CDH20: variants seen among roughly 807,000 people sequenced by gnomAD.
The protein encoded by CDH20 is cadherin-20.
A neutral mutation model predicts 74.2 loss-of-function variants in CDH20; 29 were observed. The ratio of observed to expected loss-of-function variants is 0.39; its 90% CI spans 0.29 to 0.53. The LOEUF is 0.53. Among genes scored for constraint, CDH20 ranks in the 20% least tolerant of loss-of-function variants. The pLI, the probability that CDH20 is intolerant of heterozygous loss-of-function variation, is 0.69. For synonymous variants in CDH20, 469 were observed against 405.4 expected, an observed-to-expected ratio of 1.16 and a Z score of -1.88; for missense variants, 988 against 1,048.3, an observed-to-expected ratio of 0.94 and a Z score of 0.79.
At position 61,447,313 on chromosome 18, in the gene CDH20, T is replaced by G. The variant is rs570154820; in HGVS notation, c.-152-43089T>G. On this transcript the variant is annotated intron_variant, in intron 1 of 11. Coordinates refer to ENST00000262717, the MANE Select transcript of CDH20 (RefSeq NM_031891.4). ...GCTCAGGAGAGAAATTTAAACTGAA[T>G]TCACAATACTGGAGGCATTAGACAG... Among the ~76,000 whole-genome samples the G allele has an allele frequency of 7.9e-5, 12 of 152,300 alleles. 1 individual carries two copies. In the South Asian group the frequency reaches 2.5e-3, roughly 32 times the overall value.
In CDH20 at chr18:61,340,226, C is replaced by CTTTTTTTTTTTTTTTT. The variant is rs59628153; in HGVS notation, c.-153+6409_-153+6410insTTTTTTTTTTTTTTTT. 4.9e-4 allele frequency among the ~76,000 whole-genome samples: 59 copies of CTTTTTTTTTTTTTTTT among 119,638 alleles called. 7 individuals are homozygous for CTTTTTTTTTTTTTTTT. Among genetic ancestry groups the CTTTTTTTTTTTTTTTT allele is most frequent in the Non-Finnish European group, 5.6e-4 (33 of 58,856 alleles). The allele number at this position is 119,638 out of a possible 152,430, so 78.5% of individuals were successfully genotyped here. On this transcript the variant is annotated intron_variant, in intron 1 of 11. Coordinates refer to ENST00000262717, the MANE Select transcript of CDH20 (RefSeq NM_031891.4). ...TGTCTTTAGCTAAATCTTCAGCCTT[C>CTTTTTTTTTTTTTTTT]TTTTTTTTTTAAAGGTCTGACCTTA... is the stretch of plus-strand genomic sequence containing the variant.
chr18:61,385,292 A>G (rs937222660), intron 1 of CDH20, among the ~76,000 whole-genome samples: 2 of 152,188 alleles, frequency 1.3e-5, no homozygotes, highest in Admixed American at 1.3e-4. Flanking sequence ...TGTTAACGCA[A>G]TAAGACAGAA....
At chr18:61,514,540 T>C (rs1911913173) in intron 6 of CDH20, among the ~76,000 whole-genome samples, 1 of 152,110 alleles carries the variant, frequency 6.6e-6, no homozygotes, top group East Asian at 1.9e-4. Flanking sequence ...CCGTTGCTGG[T>C]GAGGAACTGC....
chr18:61,473,304 T>C (rs1023546915), intron 1 of CDH20, among the ~76,000 whole-genome samples: 2 of 152,248 alleles, frequency 1.3e-5, no homozygotes, highest in Admixed American at 1.3e-4. Context: ...GTATTTCCCA[T>C]TAATAAGGCT....
chr18:61,372,654 A>G (rs1016020071), intron 1 of CDH20, among the ~76,000 whole-genome samples: 1 of 152,146 alleles, frequency 6.6e-6, no homozygotes, highest in African/African-American at 2.4e-5. Flanking sequence ...GACATTAAAA[A>G]TTCTATAAAA....
intron 1 of CDH20, among the ~76,000 whole-genome samples, chr18:61,370,942 A>G (rs1239180488): frequency 6.6e-6 from 1 of 152,114 alleles, no homozygotes; most frequent in African/African-American, 2.4e-5. Flanking sequence ...CCAACTATAA[A>G]AAAGTTAGAC....
intron 1 of CDH20, among the ~76,000 whole-genome samples, chr18:61,432,255 A>AAC (rs1355311532): frequency 0.023 from 3,406 of 151,094 alleles, 144 homozygotes; most frequent in African/African-American, 0.078. Flanking sequence ...AAAAAAAAAA[A>AAC]AAAAAAAAAC....
At chr18:61,341,951 T>A (rs1235884559) in intron 1 of CDH20, among the ~76,000 whole-genome samples, 9 of 152,174 alleles carry the variant, frequency 5.9e-5, no homozygotes. Context: ...TCTAAAAATA[T>A]GAGGCATACT....
chr18:61,466,189 T>C (rs898863380), intron 1 of CDH20, among the ~76,000 whole-genome samples: 1 of 151,824 alleles, frequency 6.6e-6, no homozygotes, highest in African/African-American at 2.4e-5. Flanking sequence ...GTAACATTAC[T>C]TTTTTTGAAA....
chr18:61,548,421 A>T (rs1215204629), intron 10 of CDH20, among the ~76,000 whole-genome samples: 3 of 152,204 alleles, frequency 2.0e-5, no homozygotes, highest in Admixed American at 2.0e-4. Flanking sequence ...ATTTCTGAAA[A>T]CGAGTAAGAT....
intron 1 of CDH20, among the ~76,000 whole-genome samples, chr18:61,450,399 A>C (rs1217016879): frequency 2.0e-5 from 3 of 151,890 alleles, no homozygotes; most frequent in African/African-American, 4.8e-5. Flanking sequence ...AAAAAAAAAA[A>C]AAAAAACTTT....
intron 1 of CDH20, among the ~76,000 whole-genome samples, chr18:61,439,011 C>A (rs1476373365): frequency 6.6e-6 from 1 of 152,070 alleles, no homozygotes; most frequent in Non-Finnish European, 1.5e-5. Context: ...CACAGAAAAT[C>A]AAATACTGCA....
chr18:61,447,625 G>C (rs1909245447), intron 1 of CDH20, among the ~76,000 whole-genome samples: 1 of 152,204 alleles, frequency 6.6e-6, no homozygotes, highest in African/African-American at 2.4e-5. Flanking sequence ...GCTTAAGGAT[G>C]CAGCAATGAA....
At chr18:61,469,364 T>TACACACACACACAC (rs35516738) in intron 1 of CDH20, among the ~76,000 whole-genome samples, 2 of 142,352 alleles carry the variant, frequency 1.4e-5, no homozygotes, top group African/African-American at 5.2e-5. Context: ...TGAGAATGAA[T>TACACACACACACAC]ACACACACAC....
chr18:61,345,297 G>A (rs1362479240), intron 1 of CDH20, among the ~76,000 whole-genome samples: 2 of 152,148 alleles, frequency 1.3e-5, no homozygotes, highest in East Asian at 3.9e-4. Flanking sequence ...GGGAGCCCAA[G>A]CACTTGTCAT....
At chr18:61,552,739 C>T (rs954860521) in intron 11 of CDH20, among the ~76,000 whole-genome samples, 1 of 152,208 alleles carries the variant, frequency 6.6e-6, no homozygotes, top group Non-Finnish European at 1.5e-5. Context: ...GAATCCATGT[C>T]ACACTCAATA....
In CDH20 at chr18:61,554,240, A is replaced by G. The variant is rs773542149; in HGVS notation, c.1951A>G (p.Ile651Val). The G allele has an allele frequency of 3.3e-5, 54 of 1,613,860 alleles. No individual in the cohort carries two copies. Among genetic ancestry groups the G allele is most frequent in the Non-Finnish European group, 4.6e-5 (54 of 1,179,988 alleles). Reference protein sequence around the residue: ...SMRRHRKQPYIIDDEENIHEN... With the variant: ...SMRRHRKQPYVIDDEENIHEN... ...GAGGCGGCACCGGAAACAACCATAC[A>G]TCATCGACGACGAGGAAAACATCCA... The change falls in exon 12 of 12, where the codon ATC (isoleucine) becomes GTC (valine). Residue 651 changes from isoleucine to valine, a missense_variant. By Grantham distance (29) the Ile-to-Val change is conservative (BLOSUM62 3). Coordinates refer to ENST00000262717, the MANE Select transcript of CDH20 (RefSeq NM_031891.4).
At chr18:61,550,715 C>G (rs1038569249) in intron 11 of CDH20, among the ~76,000 whole-genome samples, 1 of 152,178 alleles carries the variant, frequency 6.6e-6, no homozygotes, top group African/African-American at 2.4e-5. Context: ...ACACTGGGCA[C>G]CCCTGTGGCT....
intron 4 of CDH20, among the ~76,000 whole-genome samples, chr18:61,501,098 G>A (rs973041488): frequency 2.0e-5 from 3 of 152,212 alleles, no homozygotes; most frequent in Non-Finnish European, 4.4e-5. Context: ...TTTTGATGAG[G>A]GAGGAAAGAC....
Sources: gnomAD v4.1 joint callset for allele counts (sites outside exome capture counted in the v4.1 genomes callset) on GRCh38, gnomAD v4.1.1 for gene constraint, MANE v1.5 for transcripts, NCBI Gene and HGNC (gene_info 2026-07-23, HGNC 2026-07-21) for gene names.